Variants in EVC2 observed in about 807,000 individuals in gnomAD.
EVC2 encodes the protein limbin.
A neutral mutation model predicts 149.3 loss-of-function variants in EVC2; 148 were observed. That is an observed-to-expected ratio of 0.99 (90% CI 0.87 to 1.14). The LOEUF is 1.14. Ranked by LOEUF, EVC2 falls within the 50% of genes most tolerant of loss-of-function variation. The pLI is 0.00. For missense variants in EVC2, 1,854 were observed against 1,627.3 expected (o/e 1.14, Z -2.40); for synonymous variants, 776 against 649.9 (o/e 1.19, Z -2.95).
intron 12 of EVC2, 132 bp downstream of exon 12, chr4:5,628,427 C>T (rs527785473): frequency 1.6e-4 from 190 of 1,203,506 alleles, no homozygotes; most frequent in Non-Finnish European, 2.1e-4. Context: ...CGATCTTGAA[C>T]TTCCCAGCCT....
intron 11 of EVC2, 25 bp from the exon 12 acceptor site, chr4:5,628,759 A>T (rs1295366885): frequency 6.3e-7 from 1 of 1,599,220 alleles, no homozygotes; most frequent in East Asian, 2.2e-5. Context: ...AAAAAACAAG[A>T]AAATATGCCT....
At chr4:5,550,001 T>A (rs1170835693) in intron 21 of EVC2, among the ~76,000 whole-genome samples, 10 of 152,226 alleles carry the variant, frequency 6.6e-5, no homozygotes, top group African/African-American at 2.4e-4. Flanking sequence ...TTGCTCGTCC[T>A]TGCTTTCTGC....
chr4:5,641,267 A>T (rs554204410), intron 9 of EVC2, among the ~76,000 whole-genome samples: 1 of 152,346 alleles, frequency 6.6e-6, no homozygotes, highest in Admixed American at 6.5e-5. Flanking sequence ...AAAAAAGGAC[A>T]TTAGATTAAA....
rs551950695 is a variant in EVC2 at position 5,675,245 on chromosome 4, T to C, written c.870+6015A>G. On this transcript the variant is annotated intron_variant, in intron 7 of 21. Transcript: ENST00000344408. Reference sequence around the variant, plus strand: ...TGTTTTTAAAGTTTGCAACTATGTGTACCTAAATCCAGTTTTCTCCAGATC... The same window carrying C: ...TGTTTTTAAAGTTTGCAACTATGTGCACCTAAATCCAGTTTTCTCCAGATC... 8.5e-5 allele frequency among the ~76,000 whole-genome samples: 13 copies of C among 152,366 alleles called. No individual in the cohort carries two copies. The South Asian group carries it at 1.9e-3, about 22-fold the overall frequency.
At chr4:5,529,815 GTT>G in the EVC2 span, among the ~76,000 whole-genome samples, 256 of 131,994 alleles carry the variant, frequency 1.9e-3, 1 homozygote, top group African/African-American at 4.3e-3. This position sits in a 1 kb window ranked among gnomAD's most constrained non-coding sequence, Gnocchi z 4.5. Context: ...AGTTATTTAG[GTT>G]TTTTTTTTTT....
At chr4:5,594,664 T>A (rs1713205412) in intron 16 of EVC2, among the ~76,000 whole-genome samples, 1 of 151,966 alleles carries the variant, frequency 6.6e-6, no homozygotes, top group African/African-American at 2.4e-5. Flanking sequence ...GCAGAGCGCC[T>A]CTCCTCCTCC....
Position 5,622,495 on chromosome 4 carries a change from A to C in EVC2, c.2501+42T>G, listed in dbSNP as rs766573515. 2 of 1,598,842 alleles carry C rather than the reference A, an allele frequency of 1.3e-6. No individual in the cohort carries two copies. Among genetic ancestry groups the C allele is most frequent in the Non-Finnish European group, 1.7e-6 (2 of 1,171,742 alleles). On this transcript the variant is annotated intron_variant, in intron 14 of 21. Transcript: ENST00000344408. The surrounding 1 kb of genome is among the most constrained non-coding windows in gnomAD (Gnocchi z 5.8). The stretch of plus-strand genomic sequence containing the variant: ...CAGGGCAGGAATCTCCCTGGCATCA[A>C]CGGGATGGGGAGGGGTGATTACGAC...
intron 11 of EVC2, among the ~76,000 whole-genome samples, chr4:5,630,273 T>C (rs1716436602): frequency 6.6e-6 from 1 of 152,192 alleles, no homozygotes; most frequent in Non-Finnish European, 1.5e-5. Flanking sequence ...GCGCTCGGCC[T>C]GGTACTAGCT....
At chr4:5,705,100 T>C (rs1722051170) in intron 1 of EVC2, among the ~76,000 whole-genome samples, 1 of 152,226 alleles carries the variant, frequency 6.6e-6, no homozygotes, top group African/African-American at 2.4e-5. Flanking sequence ...TCTGGCTGAT[T>C]TTTTGTTGTT....
chr4:5,635,906 T>C (rs903207169), intron 10 of EVC2, among the ~76,000 whole-genome samples: 8 of 152,312 alleles, frequency 5.3e-5, no homozygotes, highest in African/African-American at 1.7e-4. Flanking sequence ...TGCCAGTCAC[T>C]TCCCCTCCGG....
intron 7 of EVC2, among the ~76,000 whole-genome samples, chr4:5,681,040 G>A (rs898442358): frequency 2.6e-5 from 4 of 152,156 alleles, no homozygotes; most frequent in Non-Finnish European, 4.4e-5. Context: ...TCCAGCCCAC[G>A]GCCTACCTGC....
At chr4:5,663,592 CCTT>C (rs765502350) in intron 8 of EVC2, among the ~76,000 whole-genome samples, 1 of 152,190 alleles carries the variant, frequency 6.6e-6, no homozygotes, top group Admixed American at 6.5e-5. Flanking sequence ...GTATGATGGA[CCTT>C]GACATCAGAG....
At chr4:5,600,628 C>A (rs1289353297) in intron 16 of EVC2, among the ~76,000 whole-genome samples, 1 of 152,044 alleles carries the variant, frequency 6.6e-6, no homozygotes, top group Admixed American at 6.6e-5. Flanking sequence ...ATATAGATCC[C>A]AAAAAACTGA....
chr4:5,697,745 A>AT, intron 1 of EVC2, 98 bp from the exon 2 acceptor site: 1 of 1,047,578 alleles, frequency 9.5e-7, no homozygotes, highest in Admixed American at 2.3e-5. Context: ...GAGGACATGC[A>AT]CTTTTTTTTT....
chr4:5,628,514 A>T, intron 12 of EVC2, 45 bp downstream of exon 12: 1 of 1,609,494 alleles, frequency 6.2e-7, no homozygotes, highest in Non-Finnish European at 8.5e-7. Context: ...GCAGCAGAAA[A>T]CAGACTAAGA....
intron 16 of EVC2, among the ~76,000 whole-genome samples, chr4:5,607,850 C>A (rs899173633): frequency 4.6e-5 from 7 of 151,874 alleles, no homozygotes; most frequent in Admixed American, 3.3e-4. Flanking sequence ...GGAATCACCA[C>A]ACAAAACATT....
intron 4 of EVC2, among the ~76,000 whole-genome samples, chr4:5,690,145 T>TGTATCTATG (rs1277077800): frequency 2.0e-5 from 3 of 152,204 alleles, no homozygotes; most frequent in Admixed American, 6.5e-5. Context: ...GTGCACACAC[T>TGTATCTATG]TATAACTGCA....
intron 16 of EVC2, among the ~76,000 whole-genome samples, chr4:5,609,187 C>T (rs1714631467): frequency 2.0e-5 from 3 of 152,258 alleles, no homozygotes; most frequent in Admixed American, 2.0e-4. Context: ...CTGAAAAAAT[C>T]TCCTCCTATC....
the EVC2 span, among the ~76,000 whole-genome samples, chr4:5,531,793 GTAA>G: frequency 1.3e-5 from 2 of 151,882 alleles, no homozygotes; most frequent in African/African-American, 4.8e-5. Flanking sequence ...ATATTACAAT[GTAA>G]TAATAATAGA....
Sources: gnomAD v4.1 joint callset for allele counts (sites outside exome capture counted in the v4.1 genomes callset) on GRCh38, gnomAD v4.1.1 for gene constraint, Gnocchi (gnomAD v3.1) non-coding constraint, MANE v1.5 for transcripts, NCBI Gene and HGNC (gene_info 2026-07-23, HGNC 2026-07-21) for gene names.